PCDH15: variants seen among roughly 807,000 people sequenced by gnomAD.
The protein encoded by PCDH15 is protocadherin related 15.
Under a neutral mutation model 178.5 loss-of-function variants are expected in PCDH15, and 129 were observed. That is an observed-to-expected ratio of 0.72 (90% CI 0.63 to 0.84). PCDH15 has a LOEUF of 0.84. Among genes scored for constraint, PCDH15 ranks in the 40% least tolerant of loss-of-function variants. The pLI, the probability that PCDH15 is intolerant of heterozygous loss-of-function variation, is 0.00. For synonymous variants in PCDH15, 800 were observed against 732.0 expected (o/e 1.09, Z -1.50); for missense variants, 2,230 against 2,099.9 (o/e 1.06, Z -1.21).
intron 2 of PCDH15, among the ~76,000 whole-genome samples, chr10:55,479,697 A>AAAG (rs1840136842): frequency 6.6e-6 from 1 of 151,646 alleles, no homozygotes; most frequent in Non-Finnish European, 1.5e-5. Context: ...AGTAAATTGG[A>AAAG]AAGAAGAAAG....
intron 2 of PCDH15, among the ~76,000 whole-genome samples, chr10:55,344,073 A>C (rs1844675767): frequency 6.6e-6 from 1 of 152,112 alleles, no homozygotes; most frequent in Non-Finnish European, 1.5e-5. Flanking sequence ...GGAAGTGAGC[A>C]AACAAGTCAT....
intron 3 of PCDH15, among the ~76,000 whole-genome samples, chr10:54,504,510 T>A (rs944674830): frequency 7.2e-5 from 11 of 152,272 alleles, no homozygotes; most frequent in African/African-American, 2.6e-4. Flanking sequence ...GGCTTTATTG[T>A]CATCTTCACA....
chr10:54,277,575 A>G (rs1033528761), intron 8 of PCDH15, among the ~76,000 whole-genome samples: 3 of 151,724 alleles, frequency 2.0e-5, no homozygotes, highest in African/African-American at 4.8e-5. Flanking sequence ...AAATGATTAT[A>G]CATATTTGTA....
intron 18 of PCDH15, among the ~76,000 whole-genome samples, chr10:54,033,432 G>A (rs552317973): frequency 9.2e-5 from 14 of 151,792 alleles, no homozygotes; most frequent in Non-Finnish European, 1.0e-4. Context: ...ATCTACCACC[G>A]TTGAGAATGC....
chr10:55,157,028 A>G (rs1838454), intron 2 of PCDH15, among the ~76,000 whole-genome samples: 82,047 of 152,016 alleles, frequency 0.54, 23,902 homozygotes, highest in Non-Finnish European at 0.65. Context: ...TCATAAGCCA[A>G]TGAATATGCT....
At chr10:55,622,592 A>G (rs981827710) in intron 2 of PCDH15, among the ~76,000 whole-genome samples, 3 of 152,150 alleles carry the variant, frequency 2.0e-5, no homozygotes, top group African/African-American at 7.2e-5. Flanking sequence ...AAAATGTAAG[A>G]TATTTTATTT....
intron 21 of PCDH15, among the ~76,000 whole-genome samples, chr10:53,975,272 A>T (rs962436375): frequency 6.6e-6 from 1 of 152,094 alleles, no homozygotes; most frequent in Admixed American, 6.6e-5. Flanking sequence ...TTGGTAGAGC[A>T]ATTTATTTTT....
chr10:55,143,273 T>C (rs1838403924), intron 2 of PCDH15, among the ~76,000 whole-genome samples: 1 of 152,032 alleles, frequency 6.6e-6, no homozygotes, highest in African/African-American at 2.4e-5. Flanking sequence ...ACTAATACAA[T>C]GAGGATGAAA....
intron 1 of PCDH15, among the ~76,000 whole-genome samples, chr10:55,191,924 C>A (rs1334911262): frequency 6.6e-6 from 1 of 151,800 alleles, no homozygotes. Context: ...CAAACCACTG[C>A]AAATCCCGTT....
intron 1 of PCDH15, among the ~76,000 whole-genome samples, chr10:55,185,578 A>T (rs1052106058): frequency 1.3e-5 from 2 of 151,766 alleles, no homozygotes; most frequent in African/African-American, 4.8e-5. Flanking sequence ...AGTTAAAAAT[A>T]AAAAGTCAGT....
chr10:55,226,394 G>A (rs1206476211), intron 1 of PCDH15, among the ~76,000 whole-genome samples: 1 of 151,430 alleles, frequency 6.6e-6, no homozygotes, highest in African/African-American at 2.4e-5. Flanking sequence ...TTTTGAGACC[G>A]AGCCTCACCC....
intron 2 of PCDH15, among the ~76,000 whole-genome samples, chr10:55,164,299 T>C (rs576244082): frequency 2.6e-5 from 4 of 151,636 alleles, no homozygotes; most frequent in African/African-American, 9.7e-5. Context: ...ACATAAAATG[T>C]ATTTTTTTTT....
At chr10:53,810,693 G>A (rs765861005) in intron 36 of PCDH15, 29 bp from the exon 37 acceptor site, 1 of 1,569,280 alleles carries the variant, frequency 6.4e-7, no homozygotes, top group South Asian at 1.1e-5. Context: ...TCTTTAAACA[G>A]TTTGTCATGT....
intron 1 of PCDH15, among the ~76,000 whole-genome samples, chr10:55,232,541 G>A (rs1841256954): frequency 6.6e-6 from 1 of 152,072 alleles, no homozygotes; most frequent in African/African-American, 2.4e-5. Flanking sequence ...TCCTCCTACT[G>A]AGTGTAGGCT....
chr10:54,489,138 A>G (rs1157043490), intron 3 of PCDH15, among the ~76,000 whole-genome samples: 1 of 152,036 alleles, frequency 6.6e-6, no homozygotes, highest in Non-Finnish European at 1.5e-5. Context: ...GAGCTAAGAT[A>G]CCATTAAATT....
At chr10:54,040,001 A>G (rs1214086186) in intron 18 of PCDH15, among the ~76,000 whole-genome samples, 1 of 152,076 alleles carries the variant, frequency 6.6e-6, no homozygotes, top group Non-Finnish European at 1.5e-5. Flanking sequence ...AAAGGACAAC[A>G]TATATATCCA....
At chr10:55,198,216 G>C (rs1451454071) in intron 1 of PCDH15, among the ~76,000 whole-genome samples, 3 of 152,082 alleles carry the variant, frequency 2.0e-5, no homozygotes, top group South Asian at 4.1e-4. Flanking sequence ...TTCACTCTCA[G>C]TTTAAGTAGT....
At chr10:54,462,847 C>A (rs765222390) in intron 3 of PCDH15, among the ~76,000 whole-genome samples, 6 of 151,526 alleles carry the variant, frequency 4.0e-5, no homozygotes, top group Non-Finnish European at 8.8e-5. Context: ...TAATCTTGAT[C>A]TTGTTATATA....
intron 10 of PCDH15, among the ~76,000 whole-genome samples, chr10:54,207,374 GT>G (rs1024792907): frequency 2.0e-4 from 2 of 10,196 alleles, no homozygotes; most frequent in African/African-American, 5.1e-4. Flanking sequence ...TTGTGTGTGT[GT>G]GTATGTGTGT....
Sources: gnomAD v4.1 joint callset for allele counts (sites outside exome capture counted in the v4.1 genomes callset) on GRCh38, gnomAD v4.1.1 for gene constraint, MANE v1.5 for transcripts, NCBI Gene and HGNC (gene_info 2026-07-23, HGNC 2026-07-21) for gene names.